The following TMEM266 variants were observed in gnomAD, a reference collection of about 807,000 sequenced individuals.
The protein encoded by TMEM266 is transmembrane protein 266.
A neutral mutation model predicts 50.5 loss-of-function variants in TMEM266; 33 were observed. The observed-to-expected ratio is 0.65, with a 90% CI of 0.50 to 0.87. The LOEUF (loss-of-function observed/expected upper bound fraction) is 0.87, where lower values mean the gene tolerates loss of function less well. Ranked by LOEUF, TMEM266 falls within the 40% of genes least tolerant of loss-of-function variation. TMEM266 has a pLI of 0.00. For synonymous variants in TMEM266, 310 were observed against 292.3 expected, an observed-to-expected ratio of 1.06 and a Z score of -0.62; for missense variants, 655 against 695.1, an observed-to-expected ratio of 0.94 and a Z score of 0.65.
intron 1 of TMEM266, among the ~76,000 whole-genome samples, chr15:76,070,269 A>G (rs933791905): frequency 1.3e-5 from 2 of 152,220 alleles, no homozygotes; most frequent in Admixed American, 6.5e-5. Context: ...AGTTAGGAAG[A>G]AGGAGGAAGG....
intron 8 of TMEM266, among the ~76,000 whole-genome samples, chr15:76,176,934 C>A (rs1358764908): frequency 1.3e-5 from 2 of 152,232 alleles, no homozygotes; most frequent in African/African-American, 2.4e-5. Context: ...CCGACTGTGC[C>A]AAGTGGAGTC....
chr15:76,163,303 T>C (rs956327222), intron 5 of TMEM266, among the ~76,000 whole-genome samples: 1 of 152,130 alleles, frequency 6.6e-6, no homozygotes, highest in African/African-American at 2.4e-5. Context: ...AGTGTGAGGC[T>C]GGTTTGGGCT....
intron 1 of TMEM266, among the ~76,000 whole-genome samples, chr15:76,096,035 T>A (rs1054460924): frequency 2.0e-5 from 3 of 152,034 alleles, no homozygotes; most frequent in African/African-American, 7.2e-5. Flanking sequence ...TAGCAGACTA[T>A]CTATTTTGTT....
chr15:76,108,123 C>T (rs2037113376), intron 1 of TMEM266, among the ~76,000 whole-genome samples: 1 of 152,250 alleles, frequency 6.6e-6, no homozygotes, highest in African/African-American at 2.4e-5. Flanking sequence ...CACGGGGGCA[C>T]CACCCCCAGC....
chr15:76,196,338 A>G (rs917741484), intron 9 of TMEM266, among the ~76,000 whole-genome samples: 1 of 151,988 alleles, frequency 6.6e-6, no homozygotes, highest in Non-Finnish European at 1.5e-5. Context: ...CCAGCCCCAG[A>G]GCATCAACAG....
At chr15:76,144,412 C>G (rs74963212) in intron 3 of TMEM266, among the ~76,000 whole-genome samples, 2,025 of 152,254 alleles carry the variant, frequency 0.013, 19 homozygotes, top group Middle Eastern at 0.041. Flanking sequence ...TCCCTCCTGA[C>G]CATGTCCAGT....
At chr15:76,097,059 CTT>C (rs2036932528) in intron 1 of TMEM266, among the ~76,000 whole-genome samples, 1 of 151,414 alleles carries the variant, frequency 6.6e-6, no homozygotes, top group South Asian at 2.1e-4. Context: ...GGTCTTGACT[CTT>C]TATCCAATTT....
chr15:76,198,439 G>A (rs893315104), intron 9 of TMEM266, among the ~76,000 whole-genome samples: 6 of 152,202 alleles, frequency 3.9e-5, no homozygotes, highest in Middle Eastern at 3.2e-3. Flanking sequence ...GGCCAACAGT[G>A]TGGCCCATTC....
chr15:76,204,562 A>C lies in TMEM266; in HGVS notation c.*247A>C. On this transcript the variant is annotated 3_prime_UTR_variant, in exon 11 of 11. Coordinates refer to ENST00000388942, the MANE Select transcript of TMEM266 (RefSeq NM_152335.3). ...GTGCTCGTGGCTGGGTTTTCTTTTT[A>C]ACCATTTTTACAAAAACCAGCCTGT... 2.7e-6 allele frequency: 1 copy of C among 364,522 alleles called. No individual in the cohort carries two copies. The highest frequency in any genetic ancestry group is 4.9e-6 in the Non-Finnish European group (1 of 202,140). 22.6% of individuals were successfully genotyped at this position (364,522 alleles called of 1,614,324 possible).
intron 1 of TMEM266, among the ~76,000 whole-genome samples, chr15:76,088,814 C>T (rs1401849101): frequency 3.0e-5 from 4 of 131,258 alleles, no homozygotes; most frequent in Non-Finnish European, 6.5e-5. Flanking sequence ...GGAAAAAAGG[C>T]GGGGCATGGT....
intron 9 of TMEM266, 106 bp from the exon 10 acceptor site, chr15:76,202,096 C>T: frequency 1.0e-6 from 1 of 976,684 alleles, no homozygotes; most frequent in Non-Finnish European, 1.5e-6. Flanking sequence ...CCAAGGGCTT[C>T]TGTGAGACAG....
chr15:76,191,659 C>T (rs1410940278), intron 8 of TMEM266: 2 of 314,668 alleles, frequency 6.4e-6, no homozygotes, highest in Non-Finnish European at 1.2e-5. Context: ...GGGCTCCTGA[C>T]TCCCCGTCCA....
chr15:76,133,860 G>A (rs935845925), intron 1 of TMEM266, among the ~76,000 whole-genome samples: 1 of 152,176 alleles, frequency 6.6e-6, no homozygotes, highest in African/African-American at 2.4e-5. Context: ...GCTGTTTTGG[G>A]GGGCACAGCA....
intron 1 of TMEM266, among the ~76,000 whole-genome samples, chr15:76,085,678 C>T (rs1056652636): frequency 6.6e-6 from 1 of 152,210 alleles, no homozygotes; most frequent in African/African-American, 2.4e-5. Flanking sequence ...TAAAGTTAAA[C>T]ATACACCTAC....
At chr15:76,132,813 A>AATATTATT (rs748559421) in intron 1 of TMEM266, among the ~76,000 whole-genome samples, 1 of 135,024 alleles carries the variant, frequency 7.4e-6, no homozygotes, top group African/African-American at 2.7e-5. Flanking sequence ...TAATAATAGT[A>AATATTATT]ATTATTATTA....
rs2955755 is a variant in TMEM266 at position 76,109,897 on chromosome 15, C to T, written c.-96-24271C>T. Among the ~76,000 whole-genome samples, 1,121 of 151,844 alleles carry T rather than the reference C, an allele frequency of 7.4e-3. 13 individuals are homozygous for T. The highest frequency in any genetic ancestry group is 0.026 in the African/African-American group (1,058 of 41,424). On this transcript the variant is annotated intron_variant, in intron 1 of 10. Coordinates refer to ENST00000388942, the MANE Select transcript of TMEM266 (RefSeq NM_152335.3). ...CTGGTCTTGAACTCTTGGCCTCAAG[C>T]GATCTTCCTGCCTTGCCCTCCTAAA...
At chr15:76,071,353 C>T (rs1351662585) in intron 1 of TMEM266, among the ~76,000 whole-genome samples, 1 of 152,178 alleles carries the variant, frequency 6.6e-6, no homozygotes, top group Non-Finnish European at 1.5e-5. Context: ...GACTGGTGAA[C>T]TGTTCTGGCC....
chr15:76,192,477 G>C (rs949413393), intron 9 of TMEM266, among the ~76,000 whole-genome samples: 4 of 152,172 alleles, frequency 2.6e-5, no homozygotes, highest in Non-Finnish European at 4.4e-5. Flanking sequence ...TGACTTTTCT[G>C]TTGTATGGCT....
At chr15:76,182,771 A>G (rs1022938061) in intron 8 of TMEM266, among the ~76,000 whole-genome samples, 1 of 152,202 alleles carries the variant, frequency 6.6e-6, no homozygotes, top group South Asian at 2.1e-4. Context: ...CAGGCTGGGT[A>G]CTATTAATCC....
Sources: gnomAD v4.1 joint callset for allele counts (sites outside exome capture counted in the v4.1 genomes callset) on GRCh38, gnomAD v4.1.1 for gene constraint, MANE v1.5 for transcripts, NCBI Gene and HGNC (gene_info 2026-07-23, HGNC 2026-07-21) for gene names.